The following KCNB2 variants were observed in gnomAD, a reference collection of about 807,000 sequenced individuals.
KCNB2 encodes the protein potassium voltage-gated channel subfamily B member 2, also known as delayed rectifier potassium channel protein.
KCNB2 carries 15 observed loss-of-function variants against 61.5 expected under a neutral mutation model. That is an observed-to-expected ratio of 0.24 (90% CI 0.16 to 0.38). The LOEUF (loss-of-function observed/expected upper bound fraction) is 0.38. Among genes scored for constraint, KCNB2 ranks in the 10% least tolerant of loss-of-function variants. KCNB2 has a pLI of 1.00. For missense variants in KCNB2, 828 were observed against 1,125.2 expected (o/e 0.74, Z 3.78); for synonymous variants, 457 against 446.0 (o/e 1.02, Z -0.31).
chr8:72,609,307 CA>C (rs1319038152), intron 2 of KCNB2, among the ~76,000 whole-genome samples: 1 of 152,138 alleles, frequency 6.6e-6, no homozygotes, highest in Non-Finnish European at 1.5e-5. Flanking sequence ...TATTTGCTTT[CA>C]AAACTGACTT....
At chr8:72,838,298 T>A (rs1274777417) in intron 2 of KCNB2, among the ~76,000 whole-genome samples, 1 of 152,146 alleles carries the variant, frequency 6.6e-6, no homozygotes, top group Non-Finnish European at 1.5e-5. Context: ...TGGTATGTGA[T>A]GTTCCCCTCC....
chr8:72,568,585 C>T (rs1448836680), intron 2 of KCNB2, among the ~76,000 whole-genome samples: 1 of 152,156 alleles, frequency 6.6e-6, no homozygotes, highest in African/African-American at 2.4e-5. Context: ...GTTTTCCTGG[C>T]GCTGTATCAG....
At position 72,724,764 on chromosome 8, in the gene KCNB2, C is replaced by T. The variant is rs553100902; in HGVS notation, c.579+156451C>T. Among the ~76,000 whole-genome samples the T allele has an allele frequency of 4.2e-4, 64 of 152,186 alleles. No individual in the cohort carries two copies. In the East Asian group the frequency reaches 0.012, roughly 28 times the overall value. ...CTAATTCTGGTAATTCTACCAGATACGGCAGTTGTGAGAAATTAAAGCAAT... is the reference window on the plus strand; with the variant it reads ...CTAATTCTGGTAATTCTACCAGATATGGCAGTTGTGAGAAATTAAAGCAAT... On this transcript the variant is annotated intron_variant, in intron 2 of 2. Coordinates refer to ENST00000523207, the MANE Select transcript of KCNB2 (RefSeq NM_004770.3).
intron 2 of KCNB2, among the ~76,000 whole-genome samples, chr8:72,847,899 A>G (rs7010192): frequency 0.85 from 129,715 of 152,086 alleles, 56,289 homozygotes; most frequent in Middle Eastern, 0.97. Flanking sequence ...CTCCCAGAGC[A>G]ATATTTGCTA....
chr8:72,571,555 G>C (rs553664448), intron 2 of KCNB2, among the ~76,000 whole-genome samples: 3 of 152,298 alleles, frequency 2.0e-5, no homozygotes, highest in Admixed American at 1.3e-4. Flanking sequence ...CTGGGATATG[G>C]TGTGATTTGG....
chr8:72,720,335 G>C (rs1807527120), intron 2 of KCNB2, among the ~76,000 whole-genome samples: 1 of 152,146 alleles, frequency 6.6e-6, no homozygotes, highest in African/African-American at 2.4e-5. Context: ...CTGTTCTGGA[G>C]AAAACCTCTC....
At chr8:72,714,347 A>G (rs1426520504) in intron 2 of KCNB2, among the ~76,000 whole-genome samples, 7 of 151,844 alleles carry the variant, frequency 4.6e-5, no homozygotes, top group Non-Finnish European at 1.0e-4. Context: ...CAACTCCAAG[A>G]CACATAATTG....
intron 1 of KCNB2, among the ~76,000 whole-genome samples, chr8:72,559,370 CT>C (rs1806476775): frequency 5.3e-5 from 8 of 152,044 alleles, no homozygotes; most frequent in Admixed American, 4.6e-4. Flanking sequence ...ATCTTGAACT[CT>C]TGAGCTCAGG....
At chr8:72,921,406 A>G (rs13276074) in intron 2 of KCNB2, among the ~76,000 whole-genome samples, 73,384 of 151,950 alleles carry the variant, frequency 0.48, 18,783 homozygotes, top group Middle Eastern at 0.6. Flanking sequence ...CTGCCACCAC[A>G]TTTCAGCAGG....
At chr8:72,704,939 TATTTTTTAATTTA>T (rs1355035943) in intron 2 of KCNB2, among the ~76,000 whole-genome samples, 3 of 136,008 alleles carry the variant, frequency 2.2e-5, no homozygotes, top group Non-Finnish European at 4.7e-5. Flanking sequence ...TGTCATACCA[TATTTTTTAATTTA>T]ATTTTTTATT....
chr8:72,642,226 A>G (rs1347171954), intron 2 of KCNB2, among the ~76,000 whole-genome samples: 1 of 152,202 alleles, frequency 6.6e-6, no homozygotes, highest in African/African-American at 2.4e-5. Context: ...AGGAGAAAAT[A>G]TAAAATATCT....
intron 2 of KCNB2, among the ~76,000 whole-genome samples, chr8:72,591,981 T>C (rs1428310072): frequency 1.3e-5 from 2 of 152,188 alleles, no homozygotes; most frequent in African/African-American, 4.8e-5. Flanking sequence ...CTACATAAAG[T>C]ATACATGCAA....
At chr8:72,697,165 CT>C (rs1807031141) in intron 2 of KCNB2, among the ~76,000 whole-genome samples, 1 of 152,122 alleles carries the variant, frequency 6.6e-6, no homozygotes, top group African/African-American at 2.4e-5. Context: ...GAACAATTCT[CT>C]TTCCGTAATA....
intron 2 of KCNB2, among the ~76,000 whole-genome samples, chr8:72,820,659 G>T (rs971290071): frequency 1.3e-5 from 2 of 151,582 alleles, no homozygotes; most frequent in Non-Finnish European, 2.9e-5. Context: ...TGAATCTTAT[G>T]ATTATTTCTA....
At chr8:72,670,008 A>G (rs1343199257) in intron 2 of KCNB2, among the ~76,000 whole-genome samples, 1 of 152,214 alleles carries the variant, frequency 6.6e-6, no homozygotes, top group Non-Finnish European at 1.5e-5. Context: ...CCTTCCTCTT[A>G]TTAGCTGGAT....
chr8:72,716,377 C>A (rs1162611777), intron 2 of KCNB2, among the ~76,000 whole-genome samples: 2 of 152,108 alleles, frequency 1.3e-5, no homozygotes, highest in Non-Finnish European at 2.9e-5. Flanking sequence ...AATTTTAGAC[C>A]AATATCTTTG....
chr8:72,655,714 G>A (rs180901784), intron 2 of KCNB2, among the ~76,000 whole-genome samples: 59 of 152,200 alleles, frequency 3.9e-4, no homozygotes, highest in Non-Finnish European at 5.9e-4. Flanking sequence ...TATTATTTAA[G>A]GAGTAAAAAA....
At chr8:72,558,613 CTTAA>C (rs1222949274) in intron 1 of KCNB2, among the ~76,000 whole-genome samples, 1 of 152,094 alleles carries the variant, frequency 6.6e-6, no homozygotes, top group East Asian at 1.9e-4. Flanking sequence ...TAAGGAAGGA[CTTAA>C]TTAAACCCGA....
chr8:72,651,447 T>G (rs1806209431), intron 2 of KCNB2, among the ~76,000 whole-genome samples: 1 of 152,122 alleles, frequency 6.6e-6, no homozygotes, highest in Non-Finnish European at 1.5e-5. Flanking sequence ...TTTGAAGTAC[T>G]TACCATCAAA....
Sources: gnomAD v4.1 joint callset for allele counts (sites outside exome capture counted in the v4.1 genomes callset) on GRCh38, gnomAD v4.1.1 for gene constraint, MANE v1.5 for transcripts, NCBI Gene and HGNC (gene_info 2026-07-23, HGNC 2026-07-21) for gene names.